CNTNAP2: variants seen among roughly 807,000 people sequenced by gnomAD.
The protein encoded by CNTNAP2 is contactin associated protein 2.
A neutral mutation model predicts 155.2 loss-of-function variants in CNTNAP2; 98 were observed. The ratio of observed to expected loss-of-function variants is 0.63; its 90% confidence interval spans 0.54 to 0.75. The LOEUF is 0.75. Ranked by LOEUF, CNTNAP2 falls within the 30% of genes least tolerant of loss-of-function variation. The pLI is 0.00. For synonymous variants in CNTNAP2, 651 were observed against 631.2 expected (o/e 1.03, Z -0.47); for missense variants, 1,727 against 1,688.1 (o/e 1.02, Z -0.40).
intron 11 of CNTNAP2, among the ~76,000 whole-genome samples, chr7:147,505,366 CAT>C (rs1798888410): frequency 6.8e-6 from 1 of 147,714 alleles, no homozygotes; most frequent in Non-Finnish European, 1.5e-5. Context: ...AAAATGTTGC[CAT>C]GCGCACACAC....
intron 10 of CNTNAP2, among the ~76,000 whole-genome samples, chr7:147,472,103 G>A (rs1339774166): frequency 2.6e-5 from 4 of 152,070 alleles, no homozygotes; most frequent in African/African-American, 9.7e-5. Context: ...AGAGGAGCAT[G>A]AGGCAGCAGT....
intron 1 of CNTNAP2, among the ~76,000 whole-genome samples, chr7:146,170,727 A>G (rs971073266): frequency 1.3e-5 from 2 of 152,102 alleles, no homozygotes; most frequent in African/African-American, 4.8e-5. Context: ...TTGTAAAGAG[A>G]TTAAGAGTGA....
intron 8 of CNTNAP2, among the ~76,000 whole-genome samples, chr7:147,212,256 G>C (rs964812537): frequency 3.9e-5 from 6 of 152,034 alleles, no homozygotes; most frequent in Non-Finnish European, 8.8e-5. Flanking sequence ...ATATCCAAAA[G>C]AAAACATATC....
intron 13 of CNTNAP2, among the ~76,000 whole-genome samples, chr7:147,730,615 CT>C (rs1214493500): frequency 7.2e-5 from 11 of 152,052 alleles, no homozygotes; most frequent in African/African-American, 2.4e-4. Flanking sequence ...TCAAGACCCC[CT>C]ATTCCCAAAG....
At chr7:146,669,329 A>C (rs2129167695) in intron 1 of CNTNAP2, among the ~76,000 whole-genome samples, 1 of 152,250 alleles carries the variant, frequency 6.6e-6, no homozygotes, top group East Asian at 1.9e-4. Context: ...GTTTGACACA[A>C]ATCTGAATAG....
chr7:148,002,092 A>G (rs1345519475), intron 15 of CNTNAP2, among the ~76,000 whole-genome samples: 2 of 152,216 alleles, frequency 1.3e-5, no homozygotes, highest in East Asian at 3.8e-4. Flanking sequence ...TGATGCTGCT[A>G]TCTTTCTGCA....
intron 1 of CNTNAP2, among the ~76,000 whole-genome samples, chr7:146,457,073 T>G (rs1487515511): frequency 1.3e-5 from 2 of 152,136 alleles, no homozygotes; most frequent in Non-Finnish European, 2.9e-5. Context: ...ATTAAAGTTT[T>G]GCAGATTTTG....
At chr7:147,788,438 T>G (rs1797769262) in intron 13 of CNTNAP2, among the ~76,000 whole-genome samples, 1 of 152,172 alleles carries the variant, frequency 6.6e-6, no homozygotes, top group Admixed American at 6.5e-5. Context: ...CCAGATAAGC[T>G]AACAAATACT....
intron 10 of CNTNAP2, among the ~76,000 whole-genome samples, chr7:147,469,872 G>T (rs1302033725): frequency 6.6e-6 from 1 of 152,132 alleles, no homozygotes; most frequent in African/African-American, 2.4e-5. Context: ...GATGGCATTT[G>T]TGCACAAAGT....
chr7:147,667,756 C>A (rs1248716246), intron 13 of CNTNAP2, among the ~76,000 whole-genome samples: 1 of 150,530 alleles, frequency 6.6e-6, no homozygotes. Context: ...CTTTTTAAGG[C>A]CTATTACCTG....
chr7:147,280,924 A>G (rs1232231880), intron 8 of CNTNAP2, among the ~76,000 whole-genome samples: 2 of 151,910 alleles, frequency 1.3e-5, no homozygotes, highest in African/African-American at 4.8e-5. Context: ...AATACTGATG[A>G]TAAGTGGCAG....
intron 1 of CNTNAP2, among the ~76,000 whole-genome samples, chr7:146,213,126 G>T (rs1265531523): frequency 6.6e-6 from 1 of 152,172 alleles, no homozygotes; most frequent in Non-Finnish European, 1.5e-5. Context: ...AATCTAAGTT[G>T]CCATTTCCAG....
intron 4 of CNTNAP2, among the ~76,000 whole-genome samples, chr7:147,092,253 C>G (rs528661993): frequency 6.6e-6 from 1 of 152,294 alleles, no homozygotes; most frequent in South Asian, 2.1e-4. Flanking sequence ...AAATGTTTTT[C>G]TAAAATTAAC....
intron 1 of CNTNAP2, among the ~76,000 whole-genome samples, chr7:146,518,923 T>C (rs1403743848): frequency 3.3e-5 from 5 of 152,072 alleles, no homozygotes; most frequent in Non-Finnish European, 7.4e-5. Context: ...CTGTTCCTTC[T>C]GCATGGAATG....
intron 11 of CNTNAP2, among the ~76,000 whole-genome samples, chr7:147,550,101 TAAC>T (rs1799822463): frequency 6.6e-6 from 1 of 152,204 alleles, no homozygotes; most frequent in South Asian, 2.1e-4. Flanking sequence ...CTTCCACTTT[TAAC>T]AACATAAATG....
intron 3 of CNTNAP2, 151 bp from the exon 4 acceptor site, chr7:147,043,756 A>T (rs973583518): frequency 2.1e-6 from 2 of 935,996 alleles, no homozygotes; most frequent in Admixed American, 4.6e-5. Context: ...TCACATTAAG[A>T]GTAAGGAAGC....
In CNTNAP2 at chr7:147,689,587, T is replaced by C. The variant is rs1796060241; in HGVS notation, c.2098+50281T>C. 2.0e-5 allele frequency among the ~76,000 whole-genome samples: 3 copies of C among 152,234 alleles called. No individual in the cohort carries two copies. In the South Asian group the frequency reaches 6.2e-4, roughly 31 times the overall value. On this transcript the variant is annotated intron_variant, in intron 13 of 23. Transcript: ENST00000361727. ...ACAGTTTTAAAATCTTCATTTGTTATTGCGTTATTATATACTGATCAAAAC... is the reference window on the plus strand; with the variant it reads ...ACAGTTTTAAAATCTTCATTTGTTACTGCGTTATTATATACTGATCAAAAC...
At chr7:146,212,323 C>T (rs547977604) in intron 1 of CNTNAP2, among the ~76,000 whole-genome samples, 12 of 152,214 alleles carry the variant, frequency 7.9e-5, no homozygotes, top group African/African-American at 2.6e-4. Context: ...GTAGCATTCA[C>T]CAATGGTCCA....
chr7:146,758,582 C>T lies in CNTNAP2; in HGVS notation c.98-15689C>T, dbSNP rs1351394554. Among the ~76,000 whole-genome samples the T allele has an allele frequency of 6.6e-5, 10 of 152,284 alleles. No homozygotes were observed. In the East Asian group the frequency reaches 1.4e-3, roughly 21 times the overall value. The stretch of plus-strand genomic sequence containing the variant: ...CAATCATGGCAGAAGGTGAAAGGCA[C>T]ATCTCACATGGTGGCAGGCAAGAGA... On this transcript the variant is annotated intron_variant, in intron 1 of 23. Coordinates refer to ENST00000361727, the MANE Select transcript of CNTNAP2 (RefSeq NM_014141.6).
Sources: gnomAD v4.1 joint callset for allele counts (sites outside exome capture counted in the v4.1 genomes callset) on GRCh38, gnomAD v4.1.1 for gene constraint, MANE v1.5 for transcripts, NCBI Gene and HGNC (gene_info 2026-07-23, HGNC 2026-07-21) for gene names.